The following PLTP variants were observed in gnomAD, a reference collection of about 807,000 sequenced individuals.
PLTP encodes the protein BPI fold containing family E.
In PLTP, 43 loss-of-function variants were observed where a neutral mutation model predicts 54.1. The ratio of observed to expected loss-of-function variants is 0.79; its 90% CI spans 0.62 to 1.02. PLTP has a LOEUF of 1.02. PLTP is among the 50% of genes least tolerant of loss of function. The pLI, the probability that PLTP is intolerant of heterozygous loss-of-function variation, is 0.00. For synonymous variants in PLTP, 263 were observed against 264.6 expected (o/e 0.99, Z 0.06); for missense variants, 604 against 645.9 (o/e 0.94, Z 0.70).
intron 3 of PLTP, chr20:45,910,839 C>T (rs1600484238): frequency 7.9e-7 from 1 of 1,273,402 alleles, no homozygotes; most frequent in Admixed American, 3.4e-5. Context: ...CGAGACTCCA[C>T]TCTCATCTAT....
At position 45,906,374 on chromosome 20, in the gene PLTP, T is replaced by G; in HGVS notation, c.614-15A>C. On this transcript the variant is annotated splice_polypyrimidine_tract_variant and intron_variant, in intron 7 of 15. Coordinates refer to ENST00000372431, the MANE Select transcript of PLTP (RefSeq NM_006227.4). Reference sequence around the variant, plus strand: ...AGAACTGCGCACTGCAGGAAGGGGCTCAAGTCACTCACGGCTGTGTGATGT... The same window carrying G: ...AGAACTGCGCACTGCAGGAAGGGGCGCAAGTCACTCACGGCTGTGTGATGT... The G allele has an allele frequency of 6.2e-7, 1 of 1,602,310 alleles. No individual in the cohort carries two copies. The highest frequency in any genetic ancestry group is 1.3e-5 in the African/African-American group (1 of 74,752).
chr20:45,903,795 C>T (rs910778235), intron 10 of PLTP, among the ~76,000 whole-genome samples: 7 of 151,946 alleles, frequency 4.6e-5, no homozygotes, highest in Admixed American at 3.9e-4. Flanking sequence ...GCCAAGATTG[C>T]GCCACTGCAC....
chr20:45,906,699 G>C (rs1433206411), intron 7 of PLTP, among the ~76,000 whole-genome samples: 1 of 151,544 alleles, frequency 6.6e-6, no homozygotes. Context: ...AGACCAGCCT[G>C]GTCCACCACG....
At chr20:45,906,612 G>A (rs867622190) in intron 7 of PLTP, among the ~76,000 whole-genome samples, 5 of 152,126 alleles carry the variant, frequency 3.3e-5, no homozygotes, top group South Asian at 4.2e-4. Context: ...TGGGGGGGCC[G>A]CGCATGGTGG....
intron 3 of PLTP, 70 bp from the exon 4 acceptor site, chr20:45,910,140 CT>C (rs1555836060): frequency 1.3e-6 from 2 of 1,570,160 alleles, no homozygotes; most frequent in Non-Finnish European, 1.7e-6. Context: ...GGAAATTTGT[CT>C]GCTCCCCTTT....
At chr20:45,909,341 G>A (rs759728163) in intron 5 of PLTP, among the ~76,000 whole-genome samples, 175 bp downstream of exon 5, 9 of 150,818 alleles carry the variant, frequency 6.0e-5, no homozygotes, top group Non-Finnish European at 1.2e-4. Context: ...TATAAAATGA[G>A]GATATTGAGG....
rs768860366 is a variant in PLTP, at chr20:45,906,345, C to T, written c.628G>A (p.Asp210Asn). The T allele has an allele frequency of 1.9e-6, 3 of 1,613,704 alleles. No individual in the cohort carries two copies. The highest frequency in any genetic ancestry group is 2.5e-6 in the Non-Finnish European group (3 of 1,179,782). The change falls in exon 8 of 16, where the codon GAC becomes AAC. Residue 210 changes from aspartate (D) to asparagine (N), a missense_variant. Transcript: ENST00000372431. ...LDTVPVRSSV[D>N]ELVGIDYSLM... ...GAATAGTCAATGCCAACAAGCTCGT[C>T]CACAGAACTGCGCACTGCAGGAAGG... is the stretch of plus-strand genomic sequence containing the variant.
At chr20:45,901,937 A>G (rs2083188862) in intron 12 of PLTP, among the ~76,000 whole-genome samples, 1 of 151,948 alleles carries the variant, frequency 6.6e-6, no homozygotes. Context: ...TTTTTAAAAA[A>G]GATAAAATGG....
chr20:45,911,679 C>T, intron 1 of PLTP: 1 of 640,248 alleles, frequency 1.6e-6, no homozygotes, highest in Non-Finnish European at 2.7e-6. Context: ...ATTTGGGACA[C>T]GGGGGAGGGG....
chr20:45,907,301 T>C (rs1055252342), intron 7 of PLTP, among the ~76,000 whole-genome samples: 6 of 140,260 alleles, frequency 4.3e-5, no homozygotes, highest in Non-Finnish European at 9.1e-5. Context: ...GACTCCAGCC[T>C]GGCAACAGAG....
At chr20:45,911,514 C>T in intron 1 of PLTP, 51 bp from the exon 2 acceptor site, 1 of 1,596,598 alleles carries the variant, frequency 6.3e-7, no homozygotes, top group East Asian at 2.2e-5. Context: ...TAAACCCATT[C>T]CTTGGACGTC....
rs2083287415 is a variant in PLTP at position 45,911,180 on chromosome 20, C to T, written c.172G>A (p.Glu58Lys). 1 of 1,614,128 alleles carries T rather than the reference C, an allele frequency of 6.2e-7. No individual in the cohort carries two copies. The highest frequency in any genetic ancestry group is 8.5e-7 in the Non-Finnish European group (1 of 1,179,984). ...GAGATGTTGTAGTAGAAGTGGCCTT[C>T]TTTGCCCCGCAGGTCCGGAATGGTG... is the stretch of plus-strand genomic sequence containing the variant. Reference protein sequence around the residue: ...TITIPDLRGKEGHFYYNISEV... With the variant: ...TITIPDLRGKKGHFYYNISEV... Residue 58 changes from glutamate to lysine, a missense_variant, in exon 3 of 16, where the codon GAA becomes AAA. Transcript: ENST00000372431.
In PLTP at chr20:45,898,755, A is replaced by G. The variant is rs1482906198; in HGVS notation, c.*186T>C. On this transcript the variant is annotated 3_prime_UTR_variant, in exon 16 of 16. Coordinates refer to ENST00000372431, the MANE Select transcript of PLTP (RefSeq NM_006227.4). This position sits in a 1 kb window ranked among gnomAD's most constrained non-coding sequence, Gnocchi z 4.6. ...CCCAACAGAGCTCAGGACAGCCCAC[A>G]GGGAGGTGGTGGACGGACTGTAATT... The G allele has an allele frequency of 4.1e-6, 3 of 731,234 alleles. No homozygotes were observed. Among genetic ancestry groups the G allele is most frequent in the Non-Finnish European group, 4.5e-6 (2 of 448,994 alleles). 45.3% of individuals were successfully genotyped at this position (731,234 alleles called of 1,614,324 possible). A position where few individuals can be genotyped will look rare whatever the true frequency, so the allele number is the denominator to read the frequency against.
Position 45,907,742 on chromosome 20 carries a change from A to G in PLTP, c.563T>C (p.Leu188Pro). Residue 188 changes from leucine to proline, a missense_variant, in exon 7 of 16, where the codon CTC becomes CCC. By Grantham distance (98) the Leu-to-Pro change is moderately conservative (BLOSUM62 -3). Coordinates refer to ENST00000372431, the MANE Select transcript of PLTP (RefSeq NM_006227.4). ...GAGCAGGACCGTCCCTGCGTGGTAGAGGACAGGGCAGATCTGCGAGGTGGG... is the reference window on the plus strand; with the variant it reads ...GAGCAGGACCGTCCCTGCGTGGTAGGGGACAGGGCAGATCTGCGAGGTGGG... Reference protein sequence around the residue: ...FLLNQQICPVLYHAGTVLLNS... With the variant: ...FLLNQQICPVPYHAGTVLLNS... 6.2e-7 allele frequency: 1 copy of G among 1,613,788 alleles called. No individual in the cohort carries two copies. Among genetic ancestry groups the G allele is most frequent in the Non-Finnish European group, 8.5e-7 (1 of 1,179,948 alleles).
chr20:45,910,100 G>A (rs755684273), intron 3 of PLTP, 30 bp from the exon 4 acceptor site: 4 of 1,612,352 alleles, frequency 2.5e-6, no homozygotes, highest in Non-Finnish European at 3.4e-6. Flanking sequence ...CAGATCCAGG[G>A]CCAAGAAGAG....
At chr20:45,905,461 TA>T (rs372343234) in intron 8 of PLTP, among the ~76,000 whole-genome samples, 1 of 152,374 alleles carries the variant, frequency 6.6e-6, no homozygotes, top group East Asian at 1.9e-4. Context: ...GCTCTTCACA[TA>T]GATCGACTTC....
At chr20:45,903,935 G>A (rs2083211172) in intron 10 of PLTP, among the ~76,000 whole-genome samples, 1 of 152,212 alleles carries the variant, frequency 6.6e-6, no homozygotes. Flanking sequence ...CTGGGCTCAA[G>A]CAATTTTCCT....
intron 13 of PLTP, 45 bp from the exon 14 acceptor site, chr20:45,899,730 G>C (rs373792156): frequency 6.2e-7 from 1 of 1,612,836 alleles, no homozygotes; most frequent in Non-Finnish European, 8.5e-7. Context: ...TCAGGGTTGG[G>C]TTTGCCTTTA....
At chr20:45,909,780 A>C (rs1007238807) in intron 4 of PLTP, 109 bp from the exon 5 acceptor site, 8 of 1,450,626 alleles carry the variant, frequency 5.5e-6, no homozygotes, top group South Asian at 1.1e-5. Flanking sequence ...CACACATCCT[A>C]CCAAACCTTC....
Sources: allele counts gnomAD v4.1 joint callset (sites outside exome capture counted in the v4.1 genomes callset), GRCh38; gene constraint gnomAD v4.1.1; non-coding constraint Gnocchi (gnomAD v3.1); transcripts MANE v1.5; gene names NCBI Gene and HGNC (gene_info 2026-07-23, HGNC 2026-07-21).